CADM2: variants seen among roughly 807,000 people sequenced by gnomAD.
The protein encoded by CADM2 is cell adhesion molecule 2.
A neutral mutation model predicts 49.8 loss-of-function variants in CADM2; 12 were observed. The observed-to-expected ratio is 0.24, with a 90% CI of 0.15 to 0.39. CADM2 has a LOEUF of 0.39. Ranked by LOEUF, CADM2 falls within the 10% of genes least tolerant of loss-of-function variation. The probability of loss-of-function intolerance (pLI) is 1.00; values close to 1 mark genes in which losing one functional copy is unlikely to be tolerated. For synonymous variants in CADM2, 214 were observed against 175.4 expected, an observed-to-expected ratio of 1.22 and a Z score of -1.74; for missense variants, 378 against 492.3, an observed-to-expected ratio of 0.77 and a Z score of 2.20.
intron 1 of CADM2, among the ~76,000 whole-genome samples, chr3:85,621,440 G>A (rs2063974687): frequency 6.6e-6 from 1 of 152,024 alleles, no homozygotes; most frequent in African/African-American, 2.4e-5. Context: ...TATTCTATCT[G>A]CTAAAAGCAA....
chr3:85,122,557 T>G (rs772571599), intron 1 of CADM2, among the ~76,000 whole-genome samples: 1 of 152,174 alleles, frequency 6.6e-6, no homozygotes, highest in Non-Finnish European at 1.5e-5. Flanking sequence ...TTTTGAGTTT[T>G]AGGTATGAAC....
At chr3:85,521,785 G>A (rs2061031246) in intron 1 of CADM2, among the ~76,000 whole-genome samples, 1 of 152,036 alleles carries the variant, frequency 6.6e-6, no homozygotes, top group African/African-American at 2.4e-5. Context: ...GAGATTTACG[G>A]AAGGTCACTC....
chr3:85,939,512 C>A lies in CADM2; in HGVS notation c.791+3655C>A, dbSNP rs185846835. On this transcript the variant is annotated intron_variant, in intron 7 of 9. Transcript: ENST00000383699. ...ACACACACACACACACAACATGAAACCTTTATATTACATTAAAGTCATGAC... is the reference window on the plus strand; with the variant it reads ...ACACACACACACACACAACATGAAAACTTTATATTACATTAAAGTCATGAC... Among the ~76,000 whole-genome samples, 5 of 142,710 alleles carry A rather than the reference C, an allele frequency of 3.5e-5. No homozygotes were observed. The East Asian group carries it at 8.1e-4, about 23-fold the overall frequency. The allele number at this position is 142,710 out of a possible 152,430, so 93.6% of individuals were successfully genotyped here.
intron 1 of CADM2, among the ~76,000 whole-genome samples, chr3:85,413,440 T>C (rs2035768759): frequency 6.6e-6 from 1 of 152,084 alleles, no homozygotes; most frequent in South Asian, 2.1e-4. Context: ...CTTCTCATAC[T>C]GCTATAAAGA....
chr3:86,059,235 G>A (rs931838011), intron 8 of CADM2, among the ~76,000 whole-genome samples: 1 of 152,020 alleles, frequency 6.6e-6, no homozygotes, highest in Admixed American at 6.6e-5. Context: ...AAACACAATA[G>A]ACTAGACCCT....
chr3:85,906,012 T>A (rs1716751379), intron 5 of CADM2, among the ~76,000 whole-genome samples: 1 of 152,186 alleles, frequency 6.6e-6, no homozygotes, highest in Non-Finnish European at 1.5e-5. Flanking sequence ...ATAGTTTGAT[T>A]ACCAGAAAAT....
chr3:86,025,796 T>G, intron 8 of CADM2, among the ~76,000 whole-genome samples: 1 of 152,196 alleles, frequency 6.6e-6, no homozygotes, highest in East Asian at 1.9e-4. Context: ...TTATCTTAAC[T>G]TTGTAATAAT....
intron 1 of CADM2, among the ~76,000 whole-genome samples, chr3:85,186,719 C>A (rs1455252646): frequency 6.6e-6 from 1 of 151,792 alleles, no homozygotes; most frequent in East Asian, 1.9e-4. Flanking sequence ...TCGGAAACGT[C>A]TCCAGAGGTT....
chr3:85,322,554 G>A (rs1428421673), intron 1 of CADM2, among the ~76,000 whole-genome samples: 1 of 152,108 alleles, frequency 6.6e-6, no homozygotes, highest in African/African-American at 2.4e-5. Flanking sequence ...TTTTCACCAG[G>A]CTCAAGAAAT....
chr3:86,056,034 C>T (rs1419195371), intron 8 of CADM2, among the ~76,000 whole-genome samples: 1 of 152,168 alleles, frequency 6.6e-6, no homozygotes, highest in Non-Finnish European at 1.5e-5. Context: ...CATGGTAATC[C>T]ATGGCAATCC....
chr3:85,562,108 GTT>G (rs1305142101), intron 1 of CADM2, among the ~76,000 whole-genome samples: 2 of 152,046 alleles, frequency 1.3e-5, no homozygotes, highest in African/African-American at 2.4e-5. Context: ...CACAGGATGG[GTT>G]TTTGGTTTAA....
chr3:85,554,092 C>T (rs577933656), intron 1 of CADM2, among the ~76,000 whole-genome samples: 1 of 143,722 alleles, frequency 7.0e-6, no homozygotes, highest in East Asian at 2.1e-4. Flanking sequence ...TTGGGGAAAA[C>T]AATTTTTCCA....
intron 8 of CADM2, among the ~76,000 whole-genome samples, chr3:85,964,570 CA>C (rs1017120941): frequency 2.6e-5 from 4 of 151,708 alleles, no homozygotes; most frequent in Non-Finnish European, 5.9e-5. Context: ...GTGATTCCCC[CA>C]CTCCCTCCTA....
At chr3:85,768,482 A>AAAT (rs1431858750) in intron 2 of CADM2, among the ~76,000 whole-genome samples, 4 of 97,996 alleles carry the variant, frequency 4.1e-5, no homozygotes, top group South Asian at 6.5e-4. Flanking sequence ...ATAAATAAAT[A>AAAT]AATAAATTTA....
intron 3 of CADM2, among the ~76,000 whole-genome samples, chr3:85,857,139 T>G (rs1217950196): frequency 6.6e-6 from 1 of 152,180 alleles, no homozygotes; most frequent in Non-Finnish European, 1.5e-5. Flanking sequence ...GATAACTCTC[T>G]GAGGTCTCTT....
chr3:85,272,126 A>T (rs1219068233), intron 1 of CADM2, among the ~76,000 whole-genome samples: 1 of 151,172 alleles, frequency 6.6e-6, no homozygotes, highest in Non-Finnish European at 1.5e-5. Context: ...ATCCAAGGTC[A>T]CAGGGCAAGA....
intron 1 of CADM2, among the ~76,000 whole-genome samples, chr3:85,436,803 C>A (rs2036952697): frequency 6.6e-6 from 1 of 152,176 alleles, no homozygotes. Flanking sequence ...TATTAACATC[C>A]TTTGCCAAAG....
chr3:85,303,450 G>T (rs914906549), intron 1 of CADM2, among the ~76,000 whole-genome samples: 2 of 151,832 alleles, frequency 1.3e-5, no homozygotes, highest in African/African-American at 2.4e-5. Flanking sequence ...TTTACCTGGG[G>T]ACACGGGTGT....
intron 1 of CADM2, among the ~76,000 whole-genome samples, chr3:85,569,383 G>A (rs1483163097): frequency 3.3e-5 from 5 of 151,982 alleles, no homozygotes. Context: ...TCCAGTTTGG[G>A]GTTATTAAGA....
Sources: gnomAD v4.1 joint callset for allele counts (sites outside exome capture counted in the v4.1 genomes callset) on GRCh38, gnomAD v4.1.1 for gene constraint, MANE v1.5 for transcripts, NCBI Gene and HGNC (gene_info 2026-07-23, HGNC 2026-07-21) for gene names.